The following ANXA4 variants were observed in gnomAD, a reference collection of about 807,000 sequenced individuals.
The protein encoded by ANXA4 is 35-beta calcimedin.
Under a neutral mutation model 49.8 loss-of-function variants are expected in ANXA4, and 39 were observed. The ratio of observed to expected loss-of-function variants is 0.78; its 90% CI spans 0.61 to 1.02. The LOEUF (loss-of-function observed/expected upper bound fraction) is 1.02. Among genes scored for constraint, ANXA4 ranks in the 50% least tolerant of loss-of-function variants. The probability of loss-of-function intolerance (pLI) is 0.00; values close to 1 mark genes in which losing one functional copy is unlikely to be tolerated. For missense variants in ANXA4, 360 were observed against 410.1 expected (o/e 0.88, Z 1.05); for synonymous variants, 134 against 152.5 (o/e 0.88, Z 0.89).
intron 2 of ANXA4, among the ~76,000 whole-genome samples, chr2:69,678,708 A>G (rs968176089): frequency 2.0e-5 from 3 of 152,008 alleles, no homozygotes; most frequent in Admixed American, 6.6e-5. Context: ...ACAAATTTCT[A>G]TTTCTACTTT....
intron 3 of ANXA4, among the ~76,000 whole-genome samples, chr2:69,793,536 CAGA>C (rs904836068): frequency 3.9e-5 from 6 of 152,044 alleles, no homozygotes; most frequent in African/African-American, 1.4e-4. Context: ...ACCACACAAA[CAGA>C]AGAAGATCCA....
At chr2:69,649,503 A>G (rs1676144443) in intron 1 of ANXA4, among the ~76,000 whole-genome samples, 1 of 150,872 alleles carries the variant, frequency 6.6e-6, no homozygotes, top group African/African-American at 2.4e-5. Context: ...CTTAGTAATC[A>G]GTGCTTTACT....
upstream of ANXA4, among the ~76,000 whole-genome samples, chr2:69,737,657 G>A (rs1670278419): frequency 6.6e-6 from 1 of 152,042 alleles, no homozygotes; most frequent in Non-Finnish European, 1.5e-5. Flanking sequence ...GAGTGCAGTG[G>A]CTGTTCACAG....
In ANXA4 at chr2:69,698,073, T is replaced by G. The variant is rs1355054059; in HGVS notation, n.767-22701T>G. Among the ~76,000 whole-genome samples, 7 of 151,766 alleles carry G rather than the reference T, an allele frequency of 4.6e-5. No individual in the cohort carries two copies. In the South Asian group the frequency reaches 1.5e-3, roughly 31 times the overall value. Reference sequence around the variant, plus strand: ...GATCTGGAGGCCGAGAAGTCCAGGATCAAGGCACTGGCAGATTCAGAGTCT... The same window carrying G: ...GATCTGGAGGCCGAGAAGTCCAGGAGCAAGGCACTGGCAGATTCAGAGTCT... On this transcript the variant is annotated intron_variant and non_coding_transcript_variant, in intron 2 of 3. Coordinates refer to the ANXA4 transcript ENST00000418066.
upstream of ANXA4, among the ~76,000 whole-genome samples, chr2:69,644,164 TTCCC>T (rs749370581): frequency 1.8e-4 from 3 of 16,456 alleles, no homozygotes; most frequent in Admixed American, 1.6e-3. Context: ...AACAACTAAG[TTCCC>T]CCCCCCCCCC....
At chr2:69,791,513 T>G (rs1672689435) in intron 3 of ANXA4, among the ~76,000 whole-genome samples, 1 of 152,216 alleles carries the variant, frequency 6.6e-6, no homozygotes, top group South Asian at 2.1e-4. Flanking sequence ...TTGCCTATAG[T>G]AGTACACTTT....
intron 3 of ANXA4, among the ~76,000 whole-genome samples, chr2:69,794,493 G>GTATGT (rs1431892811): frequency 9.1e-6 from 1 of 110,490 alleles, no homozygotes; most frequent in Non-Finnish European, 2.1e-5. Context: ...CTGAGGGCTG[G>GTATGT]TATGTTATGT....
At chr2:69,720,347 C>T (rs975097756) in intron 2 of ANXA4, among the ~76,000 whole-genome samples, 2 of 152,186 alleles carry the variant, frequency 1.3e-5, no homozygotes, top group African/African-American at 4.8e-5. Context: ...TTCACGCAGG[C>T]TTTGCCAACT....
chr2:69,794,589 G>A (rs1428358971), intron 3 of ANXA4, among the ~76,000 whole-genome samples: 3 of 127,248 alleles, frequency 2.4e-5, no homozygotes, highest in Admixed American at 7.6e-5. Context: ...TTGAGACGGA[G>A]TCTCACTCTG....
intron 2 of ANXA4, among the ~76,000 whole-genome samples, chr2:69,688,312 G>C (rs1677860508): frequency 6.6e-6 from 1 of 152,168 alleles, no homozygotes; most frequent in Admixed American, 6.5e-5. Context: ...TTTGTTGGTG[G>C]TGTCCTGTAT....
rs771025415 is a variant in ANXA4, at chr2:69,804,571, C to T, written c.136C>T (p.Arg46Cys). 2.5e-6 allele frequency: 4 copies of T among 1,613,808 alleles called. No homozygotes were observed. Among genetic ancestry groups the T allele is most frequent in the East Asian group, 2.2e-5 (1 of 44,842 alleles). The stretch of plus-strand genomic sequence containing the variant: ...CGCCATTATTAGCGTCCTTGCCTAC[C>T]GCAACACCGCCCAGCGCCAGGAGAT... The part of the protein sequence containing the change: ...EDAIISVLAY[R>C]NTAQRQEIRT... Residue 46 changes from arginine to cysteine, a missense_variant, in exon 4 of 13, where the codon CGC becomes TGC. By Grantham distance (180) the Arg-to-Cys change is radical. Transcript: ENST00000394295.
intron 1 of ANXA4, among the ~76,000 whole-genome samples, chr2:69,759,571 C>T (rs1430713047): frequency 6.6e-6 from 1 of 152,098 alleles, no homozygotes; most frequent in Non-Finnish European, 1.5e-5. Flanking sequence ...TACCTAGATT[C>T]TGCAGGGTTT....
intron 2 of ANXA4, among the ~76,000 whole-genome samples, chr2:69,673,576 A>C (rs1039431621): frequency 6.6e-6 from 1 of 152,070 alleles, no homozygotes; most frequent in African/African-American, 2.4e-5. Context: ...TGATGGGCAC[A>C]GCAAACCACC....
intron 3 of ANXA4, among the ~76,000 whole-genome samples, chr2:69,725,763 GT>G (rs1669948823): frequency 6.6e-6 from 1 of 152,132 alleles, no homozygotes; most frequent in Admixed American, 6.5e-5. Flanking sequence ...CACAGCCTCT[GT>G]TTTGTATTTT....
chr2:69,686,248 G>A (rs1677782374), intron 2 of ANXA4, among the ~76,000 whole-genome samples: 1 of 151,964 alleles, frequency 6.6e-6, no homozygotes. Flanking sequence ...GCAATGGCGT[G>A]ATCTCTTCTC....
At chr2:69,723,553 T>G (rs1486405405) in intron 3 of ANXA4, among the ~76,000 whole-genome samples, 2 of 152,214 alleles carry the variant, frequency 1.3e-5, no homozygotes, top group Admixed American at 6.5e-5. Flanking sequence ...TTAGGAAATG[T>G]TAGCTAAGTG....
At chr2:69,678,392 T>TTC (rs1301505510) in intron 2 of ANXA4, among the ~76,000 whole-genome samples, 1 of 139,618 alleles carries the variant, frequency 7.2e-6, no homozygotes, top group African/African-American at 2.7e-5. Context: ...TTCTTTTCTT[T>TTC]TTTTTTTTTT....
chr2:69,671,139 T>C (rs187957972), intron 2 of ANXA4, among the ~76,000 whole-genome samples: 2 of 151,374 alleles, frequency 1.3e-5, no homozygotes, highest in African/African-American at 2.4e-5. Flanking sequence ...ATGAGTAGAA[T>C]AGCTTTATGA....
At position 69,818,812 on chromosome 2, in the gene ANXA4, C is replaced by T. The variant is rs1010165303; in HGVS notation, c.724+118C>T. On this transcript the variant is annotated intron_variant, in intron 10 of 12. Transcript: ENST00000394295. ...GATAAAAGTTGTTTATCATGAATCACTCATGTTACATTCCAGATTTTTAAA... is the reference window on the plus strand; with the variant it reads ...GATAAAAGTTGTTTATCATGAATCATTCATGTTACATTCCAGATTTTTAAA... The T allele has an allele frequency of 4.4e-5, 28 of 630,890 alleles. No individual in the cohort carries two copies. The Middle Eastern group carries it at 8.8e-4, about 20-fold the overall frequency. 39.1% of individuals were successfully genotyped at this position (630,890 alleles called of 1,614,324 possible).
Sources: allele counts gnomAD v4.1 joint callset (sites outside exome capture counted in the v4.1 genomes callset), GRCh38; gene constraint gnomAD v4.1.1; transcripts MANE v1.5; gene names NCBI Gene and HGNC (gene_info 2026-07-23, HGNC 2026-07-21).